The following FBH1 variants were observed in gnomAD, a reference collection of about 807,000 sequenced individuals.
FBH1 encodes the protein DNA 3'-5' helicase 1.
FBH1 carries 43 observed loss-of-function variants against 115.5 expected under a neutral mutation model. The ratio of observed to expected loss-of-function variants is 0.37; its 90% CI spans 0.29 to 0.48. The LOEUF (loss-of-function observed/expected upper bound fraction) is 0.48. Ranked by LOEUF, FBH1 falls within the 20% of genes least tolerant of loss-of-function variation. The pLI is 0.99. For synonymous variants in FBH1, 524 were observed against 507.8 expected, an observed-to-expected ratio of 1.03 and a Z score of -0.43; for missense variants, 1,001 against 1,337.3, an observed-to-expected ratio of 0.75 and a Z score of 3.92.
Position 5,924,159 on chromosome 10 carries a change from A to G in FBH1, c.2399-152A>G. On this transcript the variant is annotated intron_variant, in intron 16 of 20. Coordinates refer to ENST00000362091, the MANE Select transcript of FBH1 (RefSeq NM_178150.3). The surrounding 1 kb of genome is among the most constrained non-coding windows in gnomAD (Gnocchi z 6.2). ...ACTGCACTGACTTGCCCAGGGACACACAGCGAGTTAGTGATGCAGTCAGGC... is the reference window on the plus strand; with the variant it reads ...ACTGCACTGACTTGCCCAGGGACACGCAGCGAGTTAGTGATGCAGTCAGGC... The G allele has an allele frequency of 2.9e-6, 2 of 683,296 alleles. No homozygotes were observed. Among genetic ancestry groups the G allele is most frequent in the Admixed American group, 5.0e-5 (2 of 40,324 alleles). 42.3% of individuals were successfully genotyped at this position (683,296 alleles called of 1,614,324 possible). A position where few individuals can be genotyped will look rare whatever the true frequency, so the allele number is the denominator to read the frequency against.
In FBH1 at chr10:5,910,193, A is replaced by C. The variant is rs948319286; in HGVS notation, c.1021-745A>C. On this transcript the variant is annotated intron_variant, in intron 5 of 20. Coordinates refer to ENST00000362091, the MANE Select transcript of FBH1 (RefSeq NM_178150.3). This position sits in a 1 kb window ranked among gnomAD's most constrained non-coding sequence, Gnocchi z 4.8. ...GCTACTCTGGAGGCTGAGACAAGCAAATTGCTTGAACCTGGCAAGCAGAGG... is the reference window on the plus strand; with the variant it reads ...GCTACTCTGGAGGCTGAGACAAGCACATTGCTTGAACCTGGCAAGCAGAGG... Among the ~76,000 whole-genome samples, 1 of 151,918 alleles carries C rather than the reference A, an allele frequency of 6.6e-6. No individual in the cohort carries two copies. The highest frequency in any genetic ancestry group is 1.5e-5 in the Non-Finnish European group (1 of 68,008).
In FBH1 at chr10:5,915,923, A is replaced by G. The variant is rs1031842925; in HGVS notation, c.1566-311A>G. Reference sequence around the variant, plus strand: ...GACTCAGCCGAGGCACACTTGACCCAGGTCTCCTGGATGTAGAGGCATCAG... The same window carrying G: ...GACTCAGCCGAGGCACACTTGACCCGGGTCTCCTGGATGTAGAGGCATCAG... On this transcript the variant is annotated intron_variant, in intron 9 of 20. Transcript: ENST00000362091. This position sits in a 1 kb window ranked among gnomAD's most constrained non-coding sequence, Gnocchi z 5.2. The G allele has an allele frequency of 2.1e-6, 1 of 467,226 alleles. No individual in the cohort carries two copies. The highest frequency in any genetic ancestry group is 1.9e-5 in the African/African-American group (1 of 51,480). The allele number at this position is 467,226 out of a possible 1,614,324, so 28.9% of individuals were successfully genotyped here.
At position 5,923,038 on chromosome 10, in the gene FBH1, A is replaced by G. The variant is rs1832403452; in HGVS notation, c.2323-583A>G. 6.6e-6 allele frequency among the ~76,000 whole-genome samples: 1 copy of G among 152,010 alleles called. No individual in the cohort carries two copies. Among genetic ancestry groups the G allele is most frequent in the Non-Finnish European group, 1.5e-5 (1 of 68,010 alleles). On this transcript the variant is annotated intron_variant, in intron 15 of 20. Coordinates refer to ENST00000362091, the MANE Select transcript of FBH1 (RefSeq NM_178150.3). This position sits in a 1 kb window ranked among gnomAD's most constrained non-coding sequence, Gnocchi z 5.7. ...GCTGGGACCATAGGCGCCTGCCACC[A>G]CACCCGGCTAATTTTTGTATTTTTG...
Position 5,909,247 on chromosome 10 carries a change from G to T in FBH1, c.973G>T (p.Glu325Ter). Residue 325 changes from glutamate to a stop codon, truncating the protein, a stop_gained, in exon 5 of 21, where the codon GAG (glutamate) becomes TAG (stop). Coordinates refer to ENST00000362091, the MANE Select transcript of FBH1 (RefSeq NM_178150.3). LOFTEE classifies it high-confidence loss of function. The surrounding 1 kb of genome is among the most constrained non-coding windows in gnomAD (Gnocchi z 4.4). ...LRDHPLLPEA[E>*]ACVRQHLPDL... ...GGACCACCCCCTCCTCCCCGAGGCT[G>T]AGGCGTGTGTGCGGCAACACCTCCC... The T allele has an allele frequency of 6.2e-7, 1 of 1,613,008 alleles. No individual in the cohort carries two copies.
chr10:5,927,929 A>G (rs930003772), intron 19 of FBH1, among the ~76,000 whole-genome samples: 7 of 151,642 alleles, frequency 4.6e-5, no homozygotes, highest in African/African-American at 1.7e-4. Context: ...TAAATTAGCC[A>G]GGTGTGGTGG....
chr10:5,930,015 T>TA (rs1224925410), intron 19 of FBH1: 1 of 152,204 alleles, frequency 6.6e-6, no homozygotes, highest in Non-Finnish European at 1.5e-5. Flanking sequence ...AGAGCAGTGA[T>TA]ATCATCTCAC....
chr10:5,933,782 A>G lies in FBH1; in HGVS notation c.2830-2674A>G, dbSNP rs61834507. On this transcript the variant is annotated intron_variant, in intron 19 of 20. Coordinates refer to ENST00000362091, the MANE Select transcript of FBH1 (RefSeq NM_178150.3). This position sits in a 1 kb window ranked among gnomAD's most constrained non-coding sequence, Gnocchi z 4.9. The stretch of plus-strand genomic sequence containing the variant: ...GTCAGCCTCTCAAGTAGCTGGTAGT[A>G]CAGGTGTACACCACCATACCTGGCT... Among the ~76,000 whole-genome samples, 9,875 of 151,980 alleles carry G rather than the reference A, an allele frequency of 0.065. 438 individuals carry two copies. The highest frequency in any genetic ancestry group is 0.11 in the Middle Eastern group (31 of 294).
At chr10:5,903,222 G>C in intron 2 of FBH1, 47 bp downstream of exon 2, 1 of 1,453,738 alleles carries the variant, frequency 6.9e-7, no homozygotes, top group Non-Finnish European at 9.3e-7. Context: ...GTAGTGTGTG[G>C]GTCCTTTGAC....
chr10:5,925,563 C>T lies in FBH1; in HGVS notation c.2722+71C>T, dbSNP rs1297857002. ...TGGTGACTGGAATGCTTCCTTTGCACGGCCTTGTTGTTTGTTGGATGGTGT... is the reference window on the plus strand; with the variant it reads ...TGGTGACTGGAATGCTTCCTTTGCATGGCCTTGTTGTTTGTTGGATGGTGT... On this transcript the variant is annotated intron_variant, in intron 18 of 20. Coordinates refer to ENST00000362091, the MANE Select transcript of FBH1 (RefSeq NM_178150.3). The surrounding 1 kb of genome is among the most constrained non-coding windows in gnomAD (Gnocchi z 4.6). 1.5e-5 allele frequency: 24 copies of T among 1,591,224 alleles called. No homozygotes were observed. The highest frequency in any genetic ancestry group is 6.7e-5 in the East Asian group (3 of 44,526).
In FBH1 at chr10:5,906,192, C is replaced by G; in HGVS notation, c.313C>G (p.Gln105Glu). 1 of 1,614,110 alleles carries G rather than the reference C, an allele frequency of 6.2e-7. No homozygotes were observed. Among genetic ancestry groups the G allele is most frequent in the Non-Finnish European group, 8.5e-7 (1 of 1,179,960 alleles). Residue 105 changes from glutamine (Q) to glutamate (E), a missense_variant, in exon 3 of 21, where the codon CAG becomes GAG. Physicochemically the swap from Gln to Glu is conservative, Grantham distance 29. Around this residue, in one of 4 missense-constraint regions of FBH1, gnomAD observed 420 missense variants for 430.4 expected, o/e 0.98. Coordinates refer to ENST00000362091, the MANE Select transcript of FBH1 (RefSeq NM_178150.3). The surrounding 1 kb of genome is among the most constrained non-coding windows in gnomAD (Gnocchi z 7.3). ...FPAESSCALP[Q>E]EGSAGPGSPG... ...TGCAGAGAGCAGCTGTGCACTGCCTCAGGAAGGCAGTGCAGGGCCGGGCTC... is the reference window on the plus strand; with the variant it reads ...TGCAGAGAGCAGCTGTGCACTGCCTGAGGAAGGCAGTGCAGGGCCGGGCTC...
At chr10:5,905,690 G>A (rs1335422403) in intron 2 of FBH1, among the ~76,000 whole-genome samples, 6 of 152,132 alleles carry the variant, frequency 3.9e-5, no homozygotes, top group African/African-American at 1.2e-4. Flanking sequence ...TTTGTGAGTG[G>A]CGGTGTGGTT....
In FBH1 at chr10:5,927,211, G is replaced by A. The variant is rs574563102; in HGVS notation, c.2723-224G>A. Among the ~76,000 whole-genome samples, 15 of 152,308 alleles carry A rather than the reference G, an allele frequency of 9.8e-5. No homozygotes were observed. In the South Asian group the frequency reaches 2.7e-3, roughly 27 times the overall value. Reference sequence around the variant, plus strand: ...TTAACACATTCCCAGGATTTACGTAGCAGGACTAAATAAAACCCGGTATTT... The same window carrying A: ...TTAACACATTCCCAGGATTTACGTAACAGGACTAAATAAAACCCGGTATTT... On this transcript the variant is annotated intron_variant, in intron 18 of 20. Transcript: ENST00000362091.
chr10:5,914,236 C>G lies in FBH1; in HGVS notation c.1363C>G (p.Pro455Ala). The G allele has an allele frequency of 6.2e-7, 1 of 1,614,244 alleles. No individual in the cohort carries two copies. The highest frequency in any genetic ancestry group is 1.1e-5 in the South Asian group (1 of 91,082). Residue 455 changes from proline to alanine, a missense_variant, in exon 8 of 21, where the codon CCT becomes GCT. Physicochemically the swap from Pro to Ala is conservative, Grantham distance 27. Around this residue, in one of 4 missense-constraint regions of FBH1, gnomAD observed 521 missense variants for 811.0 expected, o/e 0.64. Transcript: ENST00000362091. The surrounding 1 kb of genome is among the most constrained non-coding windows in gnomAD (Gnocchi z 5.2). ...QQLILNHKME[P>A]LQVVKIMAFA... ...GCTGATTCTGAATCACAAGATGGAA[C>G]CTCTCCAGGTGGTGAAAATTATGGC... is the stretch of plus-strand genomic sequence containing the variant.
intron 1 of FBH1, among the ~76,000 whole-genome samples, chr10:5,899,520 A>T (rs1330892880): frequency 6.6e-6 from 1 of 151,874 alleles, no homozygotes; most frequent in Non-Finnish European, 1.5e-5. Flanking sequence ...CTCCAGTTCT[A>T]ATTGTAGATA....
At chr10:5,920,102 G>C (rs1250063814) in intron 13 of FBH1, among the ~76,000 whole-genome samples, 2 of 152,182 alleles carry the variant, frequency 1.3e-5, no homozygotes, top group Non-Finnish European at 2.9e-5. Flanking sequence ...GCTCTTCTTG[G>C]CTGTGACAGT....
In FBH1 at chr10:5,915,616, C is replaced by T. The variant is rs746756474; in HGVS notation, c.1565+45C>T. 22 of 1,580,666 alleles carry T rather than the reference C, an allele frequency of 1.4e-5. No individual in the cohort carries two copies. The highest frequency in any genetic ancestry group is 6.8e-5 in the South Asian group (6 of 88,364). On this transcript the variant is annotated intron_variant, in intron 9 of 20. Coordinates refer to ENST00000362091, the MANE Select transcript of FBH1 (RefSeq NM_178150.3). This position sits in a 1 kb window ranked among gnomAD's most constrained non-coding sequence, Gnocchi z 5.2. ...GTGGCACTGTTGCTGCTGGCACGGT[C>T]GCGTCTTACTGTTTTCCCGTGACGA...
In FBH1 at chr10:5,909,635, A is replaced by T. The variant is rs1266579319; in HGVS notation, c.1020+341A>T. Among the ~76,000 whole-genome samples, 1 of 152,218 alleles carries T rather than the reference A, an allele frequency of 6.6e-6. No individual in the cohort carries two copies. The highest frequency in any genetic ancestry group is 2.4e-5 in the African/African-American group (1 of 41,446). On this transcript the variant is annotated intron_variant, in intron 5 of 20. Coordinates refer to ENST00000362091, the MANE Select transcript of FBH1 (RefSeq NM_178150.3). This position sits in a 1 kb window ranked among gnomAD's most constrained non-coding sequence, Gnocchi z 4.4. The stretch of plus-strand genomic sequence containing the variant: ...TACAAGACAGCCCACCCCATTATCA[A>T]CAAGTTTGCTTATTTGAAAGGGACA...
At chr10:5,916,670 C>CGGGGG (rs1831977553) in intron 10 of FBH1, among the ~76,000 whole-genome samples, 1 of 130,644 alleles carries the variant, frequency 7.7e-6, no homozygotes, top group Admixed American at 7.2e-5. Context: ...GATGGGGGAT[C>CGGGGG]AGGGGAAGTG....
At position 5,908,217 on chromosome 10, in the gene FBH1, G is replaced by T. The variant is rs115437068; in HGVS notation, c.754-708G>T. On this transcript the variant is annotated intron_variant, in intron 3 of 20. Coordinates refer to ENST00000362091, the MANE Select transcript of FBH1 (RefSeq NM_178150.3). ...AATGTGTGGTGCATATATATTTATA[G>T]TTATTATATCTTCTTGGTGAATTGA... is the stretch of plus-strand genomic sequence containing the variant. Among the ~76,000 whole-genome samples, 1,310 of 152,230 alleles carry T rather than the reference G, an allele frequency of 8.6e-3. 23 individuals carry two copies. The highest frequency in any genetic ancestry group is 0.03 in the African/African-American group (1,255 of 41,532).
Sources: gnomAD v4.1 joint callset for allele counts (sites outside exome capture counted in the v4.1 genomes callset) on GRCh38, gnomAD v4.1.1 for gene constraint, gnomAD v4.1.1 regional missense constraint, Gnocchi (gnomAD v3.1) non-coding constraint, MANE v1.5 for transcripts, NCBI Gene and HGNC (gene_info 2026-07-23, HGNC 2026-07-21) for gene names.